The following KDM2B variants were observed in gnomAD, a reference collection of about 807,000 sequenced individuals.
The protein encoded by KDM2B is lysine-specific demethylase 2B.
Under a neutral mutation model 150.0 loss-of-function variants are expected in KDM2B, and 26 were observed. That is an observed-to-expected ratio of 0.17 (90% CI 0.13 to 0.24). The LOEUF (loss-of-function observed/expected upper bound fraction) is 0.24. KDM2B is among the 10% of genes least tolerant of loss of function. The pLI is 1.00. For missense variants in KDM2B, 1,265 were observed against 1,816.9 expected (o/e 0.70, Z 5.52); for synonymous variants, 734 against 729.5 (o/e 1.01, Z -0.10).
chr12:121,423,270 T>C, the KDM2B span: 9 of 673,660 alleles, frequency 1.3e-5, no homozygotes, highest in Non-Finnish European at 2.0e-5. This position sits in a 1 kb window ranked among gnomAD's most constrained non-coding sequence, Gnocchi z 4.3. Context: ...AACACTGGGG[T>C]GGCATTGGGC....
intron 22 of KDM2B, among the ~76,000 whole-genome samples, chr12:121,435,885 T>C (rs782088913): frequency 8.6e-5 from 13 of 151,678 alleles, no homozygotes; most frequent in Non-Finnish European, 2.9e-5. Flanking sequence ...GCAGACAAGC[T>C]CCAACCGCGT....
chr12:121,561,965 A>T (rs919366052), intron 4 of KDM2B, among the ~76,000 whole-genome samples: 2 of 152,308 alleles, frequency 1.3e-5, no homozygotes, highest in East Asian at 3.9e-4. Flanking sequence ...TGAGGTCAGG[A>T]GTTCGAGACC....
chr12:121,492,161 T>C (rs1295491477), intron 12 of KDM2B, among the ~76,000 whole-genome samples: 1 of 152,110 alleles, frequency 6.6e-6, no homozygotes, highest in Middle Eastern at 3.4e-3. Flanking sequence ...TCTGTGTAAA[T>C]AAATAAATAA....
chr12:121,573,741 C>G (rs975963077), intron 4 of KDM2B, among the ~76,000 whole-genome samples: 13 of 152,292 alleles, frequency 8.5e-5, no homozygotes, highest in African/African-American at 3.1e-4. Context: ...GCGCCCGCCA[C>G]CACGCCTGGC....
intron 4 of KDM2B, among the ~76,000 whole-genome samples, chr12:121,556,553 A>G (rs574549137): frequency 6.6e-5 from 10 of 152,298 alleles, no homozygotes; most frequent in Non-Finnish European, 7.4e-5. Context: ...ACCTTTCTTT[A>G]TAAATAATCC....
At position 121,453,482 on chromosome 12, in the gene KDM2B, A is replaced by G. The variant is rs1877690184; in HGVS notation, c.1735-138T>C. 1 of 660,052 alleles carries G rather than the reference A, an allele frequency of 1.5e-6. No homozygotes were observed. The highest frequency in any genetic ancestry group is 2.7e-5 in the East Asian group (1 of 36,412). 40.9% of individuals were successfully genotyped at this position (660,052 alleles called of 1,614,324 possible). A position where few individuals can be genotyped will look rare whatever the true frequency, so the allele number is the denominator to read the frequency against. On this transcript the variant is annotated intron_variant, in intron 12 of 22. Transcript: ENST00000377071. This position sits in a 1 kb window ranked among gnomAD's most constrained non-coding sequence, Gnocchi z 6.4. ...TCTAAACCCCATTCCTCAGAGTGTG[A>G]TCTTTATTTGGAGATGGGGGCTTTG...
chr12:121,430,545 C>T lies in KDM2B; in HGVS notation c.3830-76G>A. On this transcript the variant is annotated intron_variant, in intron 22 of 22. Coordinates refer to ENST00000377071, the MANE Select transcript of KDM2B (RefSeq NM_032590.5). The surrounding 1 kb of genome is among the most constrained non-coding windows in gnomAD (Gnocchi z 4.4). ...CCCCCCGCCGCCAGACCCAGGCACT[C>T]AGCAGTGGGGACAGGTCAGAGCTCT... 1.0e-6 allele frequency: 1 copy of T among 986,000 alleles called. No homozygotes were observed. 61.1% of individuals were successfully genotyped at this position (986,000 alleles called of 1,614,324 possible).
chr12:121,482,229 A>G (rs1389761071), intron 12 of KDM2B, among the ~76,000 whole-genome samples: 1 of 152,224 alleles, frequency 6.6e-6, no homozygotes, highest in Admixed American at 6.5e-5. Context: ...ATGCTGAAAA[A>G]TTCCAGGTGA....
At chr12:121,441,785 C>T (rs1377653385) in intron 19 of KDM2B, among the ~76,000 whole-genome samples, 2 of 152,188 alleles carry the variant, frequency 1.3e-5, no homozygotes, top group East Asian at 1.9e-4. Context: ...CTCCAAACAA[C>T]CCCCATGAAG....
intron 4 of KDM2B, among the ~76,000 whole-genome samples, chr12:121,569,236 C>A (rs1690450929): frequency 6.6e-6 from 1 of 152,294 alleles, no homozygotes; most frequent in Non-Finnish European, 1.5e-5. Flanking sequence ...CTGGGCTGAC[C>A]CCAGCCAGCA....
chr12:121,499,311 A>AG (rs1884290382), intron 11 of KDM2B, among the ~76,000 whole-genome samples: 1 of 149,142 alleles, frequency 6.7e-6, no homozygotes. Context: ...TAGTAGAGAC[A>AG]GGTTTCACCA....
chr12:121,490,433 A>T (rs1163256129), intron 12 of KDM2B, among the ~76,000 whole-genome samples: 1 of 152,178 alleles, frequency 6.6e-6, no homozygotes, highest in Admixed American at 6.6e-5. Flanking sequence ...CAGGGTCCAC[A>T]GGCTGGCTTG....
At chr12:121,425,769 C>CTTTT (rs111588236), downstream of KDM2B, among the ~76,000 whole-genome samples, 2 of 141,818 alleles carry the variant, frequency 1.4e-5, no homozygotes, top group South Asian at 2.2e-4. Context: ...TTTGTCTAAA[C>CTTTT]TTTTTTTTTT....
At chr12:121,480,425 A>G (rs1555297620) in intron 12 of KDM2B, among the ~76,000 whole-genome samples, 1 of 151,996 alleles carries the variant, frequency 6.6e-6, no homozygotes, top group Non-Finnish European at 1.5e-5. Context: ...ATGTCCTGAG[A>G]AAAGTCTGTA....
chr12:121,529,953 G>A (rs1887498792), intron 8 of KDM2B, among the ~76,000 whole-genome samples: 1 of 149,670 alleles, frequency 6.7e-6, no homozygotes, highest in East Asian at 2.0e-4. Flanking sequence ...AGAAGAGCAG[G>A]CGCAGTGGCT....
At chr12:121,538,013 C>CA (rs1478416582) in intron 6 of KDM2B, among the ~76,000 whole-genome samples, 2 of 150,592 alleles carry the variant, frequency 1.3e-5, no homozygotes, top group East Asian at 3.9e-4. Context: ...CTCCCGGCGG[C>CA]AACGCGAGCC....
chr12:121,451,553 G>A (rs1352789547), intron 13 of KDM2B, among the ~76,000 whole-genome samples: 5 of 152,158 alleles, frequency 3.3e-5, no homozygotes, highest in Non-Finnish European at 7.3e-5. Flanking sequence ...CATATTCACT[G>A]CAGCACTATT....
intron 4 of KDM2B, among the ~76,000 whole-genome samples, chr12:121,551,251 T>C (rs1889466481): frequency 6.6e-6 from 1 of 152,042 alleles, no homozygotes; most frequent in Non-Finnish European, 1.5e-5. Context: ...AGTAACTCTG[T>C]GTAATCCCAG....
At chr12:121,445,481 C>T in intron 13 of KDM2B, 63 bp from the exon 14 acceptor site, 6 of 1,499,258 alleles carry the variant, frequency 4.0e-6, no homozygotes, top group Non-Finnish European at 5.4e-6. Context: ...CCCAGGGGGG[C>T]CAGTTCAAGG....
Sources: allele counts gnomAD v4.1 joint callset (sites outside exome capture counted in the v4.1 genomes callset), GRCh38; gene constraint gnomAD v4.1.1; non-coding constraint Gnocchi (gnomAD v3.1); transcripts MANE v1.5; gene names NCBI Gene and HGNC (gene_info 2026-07-23, HGNC 2026-07-21).